The following PPFIA2 variants were observed in gnomAD, a reference collection of about 807,000 sequenced individuals.
PPFIA2 encodes PPFI scaffold protein A2, also known as liprin-alpha-2.
In PPFIA2, 46 loss-of-function variants were observed where a neutral mutation model predicts 175.5. The ratio of observed to expected loss-of-function variants is 0.26; its 90% CI spans 0.21 to 0.34. The LOEUF (loss-of-function observed/expected upper bound fraction) is 0.34. Among genes scored for constraint, PPFIA2 ranks in the 10% least tolerant of loss-of-function variants. The pLI is 1.00. For missense variants in PPFIA2, 1,179 were observed against 1,506.1 expected (o/e 0.78, Z 3.60); for synonymous variants, 568 against 511.4 (o/e 1.11, Z -1.49).
chr12:81,303,182 T>C lies in PPFIA2; in HGVS notation c.2643-3800A>G, dbSNP rs140724477. On this transcript the variant is annotated intron_variant, in intron 22 of 32. Coordinates refer to ENST00000549396, the MANE Select transcript of PPFIA2 (RefSeq NM_003625.5). Reference sequence around the variant, plus strand: ...TTTTTAAAGGTCAAGTGACAGTTCATCCAGAAAAAGAATGTGATCACTTAC... The same window carrying C: ...TTTTTAAAGGTCAAGTGACAGTTCACCCAGAAAAAGAATGTGATCACTTAC... Among the ~76,000 whole-genome samples, 1,067 of 152,270 alleles carry C rather than the reference T, an allele frequency of 7.0e-3. 24 individuals carry two copies. The highest frequency in any genetic ancestry group is 0.025 in the African/African-American group (1,027 of 41,562).
At chr12:81,347,115 C>G (rs137880260) in intron 18 of PPFIA2, among the ~76,000 whole-genome samples, 211 of 128,298 alleles carry the variant, frequency 1.6e-3, no homozygotes, top group Non-Finnish European at 2.6e-3. Context: ...TTCTTTTTCT[C>G]TTTTTCTTTT....
At chr12:81,531,268 T>A (rs1360756542) in intron 4 of PPFIA2, among the ~76,000 whole-genome samples, 1 of 151,900 alleles carries the variant, frequency 6.6e-6, no homozygotes, top group Non-Finnish European at 1.5e-5. Flanking sequence ...TAGAATTCAA[T>A]GTGGCACTAC....
Position 81,613,779 on chromosome 12 carries a change from T to C in PPFIA2, c.303+63012A>G, listed in dbSNP as rs372378111. ...CATGGAGTTGGTATTCAATAACTAT[T>C]TAGGAAATGTTAAAGACATCTTCCT... On this transcript the variant is annotated intron_variant, in intron 4 of 32. Transcript: ENST00000549396. Among the ~76,000 whole-genome samples the C allele has an allele frequency of 1.6e-4, 25 of 152,298 alleles. No individual in the cohort carries two copies. In the East Asian group the frequency reaches 1.7e-3, roughly 11 times the overall value.
chr12:81,349,412 T>C (rs189756108), intron 17 of PPFIA2, among the ~76,000 whole-genome samples: 3 of 152,270 alleles, frequency 2.0e-5, no homozygotes, highest in East Asian at 3.9e-4. Context: ...AAAAAGAACA[T>C]GAATTCTGTT....
chr12:81,362,540 G>A (rs2031254737), intron 15 of PPFIA2, among the ~76,000 whole-genome samples, 153 bp downstream of exon 15: 1 of 151,480 alleles, frequency 6.6e-6, no homozygotes, highest in African/African-American at 2.4e-5. Context: ...ATTTTTGAAT[G>A]TAAAAACTGC....
At chr12:81,426,217 G>T (rs1483636884) in intron 7 of PPFIA2, among the ~76,000 whole-genome samples, 1 of 152,144 alleles carries the variant, frequency 6.6e-6, no homozygotes, top group African/African-American at 2.4e-5. Context: ...TTCCTTGGTT[G>T]GTAATACTCT....
At chr12:81,351,252 C>A (rs2059951819) in intron 17 of PPFIA2, among the ~76,000 whole-genome samples, 2 of 151,758 alleles carry the variant, frequency 1.3e-5, no homozygotes, top group South Asian at 4.2e-4. Flanking sequence ...TGTTTTATTG[C>A]CTTTGAAATG....
intron 4 of PPFIA2, among the ~76,000 whole-genome samples, chr12:81,526,411 A>G (rs1400541494): frequency 6.6e-6 from 1 of 152,218 alleles, no homozygotes; most frequent in African/African-American, 2.4e-5. Context: ...GTTTAATGAC[A>G]TGATTGAAGA....
intron 4 of PPFIA2, among the ~76,000 whole-genome samples, chr12:81,520,953 A>AG (rs1373420792): frequency 2.0e-5 from 3 of 152,178 alleles, no homozygotes; most frequent in Admixed American, 6.5e-5. Flanking sequence ...AGATTTTTTT[A>AG]GGGGGGGTGA....
intron 22 of PPFIA2, among the ~76,000 whole-genome samples, chr12:81,305,278 C>T (rs757430063): frequency 5.9e-5 from 9 of 152,022 alleles, no homozygotes; most frequent in South Asian, 2.1e-4. Context: ...AACTAATTTC[C>T]GTTCTCCAAT....
chr12:81,464,940 G>T (rs1013069356), intron 4 of PPFIA2, among the ~76,000 whole-genome samples: 1 of 150,816 alleles, frequency 6.6e-6, no homozygotes, highest in Non-Finnish European at 1.5e-5. Flanking sequence ...ATGCTTACTT[G>T]AGGAGGTTTA....
At chr12:81,659,851 A>G (rs1327778946) in intron 4 of PPFIA2, among the ~76,000 whole-genome samples, 1 of 152,136 alleles carries the variant, frequency 6.6e-6, no homozygotes, top group African/African-American at 2.4e-5. Context: ...CCCCTCTGAG[A>G]CAAAACTTCC....
In PPFIA2 at chr12:81,342,946, TATAATAATA is replaced by T. The variant is rs141700038; in HGVS notation, c.2262+1709_2262+1717del. Among the ~76,000 whole-genome samples the T allele has an allele frequency of 2.4e-3, 348 of 147,242 alleles. 2 individuals carry two copies. Among genetic ancestry groups the T allele is most frequent in the East Asian group, 5.4e-3 (27 of 5,032 alleles). ...TGCACATGTACCCTAAAACTTAAAG[TATAATAATA>T]ATAATAATAATAATAATAATAATAA... On this transcript the variant is annotated intron_variant, in intron 19 of 32. Transcript: ENST00000549396.
chr12:81,590,937 G>T (rs2058601948), intron 4 of PPFIA2, among the ~76,000 whole-genome samples: 1 of 152,166 alleles, frequency 6.6e-6, no homozygotes, highest in African/African-American at 2.4e-5. Flanking sequence ...TGAAAATGTG[G>T]AGGCAACTTT....
intron 4 of PPFIA2, among the ~76,000 whole-genome samples, chr12:81,581,672 G>C (rs114117470): frequency 6.6e-6 from 1 of 150,822 alleles, no homozygotes; most frequent in East Asian, 1.9e-4. Flanking sequence ...AATTTATCCA[G>C]TAACTAGAAT....
rs1313439666 is a variant in PPFIA2, at chr12:81,728,612, G to T, written c.249+25361C>A. On this transcript the variant is annotated intron_variant, in intron 3 of 32. Coordinates refer to ENST00000549396, the MANE Select transcript of PPFIA2 (RefSeq NM_003625.5). ...CTGTAACTATATCTAGATTTTCCTT[G>T]TATTTCCTATAGATTACAATTTTTA... is the stretch of plus-strand genomic sequence containing the variant. Among the ~76,000 whole-genome samples the T allele has an allele frequency of 6.0e-5, 9 of 151,178 alleles. No homozygotes were observed. The South Asian group carries it at 1.9e-3, about 31-fold the overall frequency.
intron 11 of PPFIA2, 108 bp downstream of exon 11, chr12:81,374,526 T>C (rs1566529803): frequency 5.3e-6 from 7 of 1,323,704 alleles, no homozygotes; most frequent in Non-Finnish European, 7.1e-6. Flanking sequence ...ATAATAGAGA[T>C]TAAACTTAAT....
intron 22 of PPFIA2, among the ~76,000 whole-genome samples, chr12:81,311,321 C>A (rs2050722885): frequency 6.6e-6 from 1 of 152,162 alleles, no homozygotes; most frequent in Admixed American, 6.5e-5. Flanking sequence ...TTATTCTTGG[C>A]TCTCTATATG....
intron 3 of PPFIA2, among the ~76,000 whole-genome samples, chr12:81,753,468 C>A (rs2084157898): frequency 1.4e-5 from 2 of 147,230 alleles, no homozygotes; most frequent in African/African-American, 2.5e-5. Context: ...TTTTTTTTCC[C>A]AAGGGAGAGG....
Sources: allele counts gnomAD v4.1 joint callset (sites outside exome capture counted in the v4.1 genomes callset), GRCh38; gene constraint gnomAD v4.1.1; transcripts MANE v1.5; gene names NCBI Gene and HGNC (gene_info 2026-07-23, HGNC 2026-07-21).